RPS6KA5: variants seen among roughly 807,000 people sequenced by gnomAD.
RPS6KA5 encodes the protein ribosomal protein S6 kinase alpha-5.
In RPS6KA5, 27 loss-of-function variants were observed where a neutral mutation model predicts 85.5. The observed-to-expected ratio is 0.32, with a 90% CI of 0.23 to 0.44. The LOEUF (loss-of-function observed/expected upper bound fraction) is 0.44, where lower values mean the gene tolerates loss of function less well. RPS6KA5 is among the 20% of genes least tolerant of loss of function. RPS6KA5 has a pLI of 1.00. For missense variants in RPS6KA5, 811 were observed against 980.9 expected, an observed-to-expected ratio of 0.83 and a Z score of 2.31; for synonymous variants, 334 against 348.2, an observed-to-expected ratio of 0.96 and a Z score of 0.46.
chr14:90,990,876 A>C (rs1325491759), intron 2 of RPS6KA5, among the ~76,000 whole-genome samples: 1 of 152,122 alleles, frequency 6.6e-6, no homozygotes, highest in African/African-American at 2.4e-5. Context: ...GGCCTACTTG[A>C]GGGGAGAGGG....
At chr14:91,032,489 C>T (rs1189028727) in intron 1 of RPS6KA5, among the ~76,000 whole-genome samples, 1 of 152,114 alleles carries the variant, frequency 6.6e-6, no homozygotes, top group East Asian at 1.9e-4. Context: ...ACAAAGCACA[C>T]TATCTGCTAG....
chr14:91,026,781 A>G (rs1383529693), intron 1 of RPS6KA5, among the ~76,000 whole-genome samples: 1 of 152,120 alleles, frequency 6.6e-6, no homozygotes, highest in African/African-American at 2.4e-5. Context: ...GTACAGCCTC[A>G]CCAGCATCTG....
At chr14:90,888,043 C>T (rs1040249753) in intron 14 of RPS6KA5, among the ~76,000 whole-genome samples, 1 of 146,960 alleles carries the variant, frequency 6.8e-6, no homozygotes, top group East Asian at 2.0e-4. Context: ...TGTGTCTTTT[C>T]ATCTATAAGT....
intron 14 of RPS6KA5, among the ~76,000 whole-genome samples, chr14:90,886,124 T>TATACATATACAC (rs1555357355): frequency 1.3e-5 from 2 of 152,068 alleles, no homozygotes; most frequent in Non-Finnish European, 2.9e-5. Context: ...TACTCATATA[T>TATACATATACAC]ATACATATAC....
intron 7 of RPS6KA5, among the ~76,000 whole-genome samples, chr14:90,915,377 C>T (rs2036060932): frequency 6.6e-6 from 1 of 152,100 alleles, no homozygotes; most frequent in African/African-American, 2.4e-5. Context: ...ACAAGGCATC[C>T]CATCTTCCTA....
intron 2 of RPS6KA5, among the ~76,000 whole-genome samples, chr14:90,983,690 G>A (rs978066549): frequency 6.6e-6 from 1 of 151,104 alleles, no homozygotes; most frequent in African/African-American, 2.4e-5. Flanking sequence ...GGGAAGGGGA[G>A]GGGAAAGGGG....
chr14:90,941,369 C>T (rs543270733), intron 5 of RPS6KA5, among the ~76,000 whole-genome samples: 1 of 152,240 alleles, frequency 6.6e-6, no homozygotes, highest in Admixed American at 6.5e-5. Context: ...TTCTTGGCTT[C>T]TCAGAGAAAA....
At chr14:91,002,809 CCTCTTCT>C (rs2040844692) in intron 1 of RPS6KA5, among the ~76,000 whole-genome samples, 4 of 152,026 alleles carry the variant, frequency 2.6e-5, no homozygotes, top group Non-Finnish European at 4.4e-5. Context: ...TGCCCTCTTC[CCTCTTCT>C]CTCAGCCCTG....
At position 90,947,588 on chromosome 14, in the gene RPS6KA5, T is replaced by C. The variant is rs199785963; in HGVS notation, c.395-38A>G. The C allele has an allele frequency of 1.6e-5, 19 of 1,193,186 alleles. No homozygotes were observed. The East Asian group carries it at 4.2e-4, about 27-fold the overall frequency. 73.9% of individuals were successfully genotyped at this position (1,193,186 alleles called of 1,614,324 possible). ...TACATTTTTCTTTCTTAAACATGCA[T>C]TCATAAATGAAAAGCAGTGTTTCCT... is the stretch of plus-strand genomic sequence containing the variant. On this transcript the variant is annotated intron_variant, in intron 3 of 16. Transcript: ENST00000614987.
intron 1 of RPS6KA5, among the ~76,000 whole-genome samples, chr14:91,038,111 T>A (rs11848357): frequency 0.13 from 20,343 of 150,928 alleles, 1,556 homozygotes; most frequent in East Asian, 0.31. Context: ...AAAGTTATTC[T>A]CTCTAACAAG....
At chr14:91,008,043 A>C (rs1300075587) in intron 1 of RPS6KA5, among the ~76,000 whole-genome samples, 1 of 152,208 alleles carries the variant, frequency 6.6e-6, no homozygotes, top group Non-Finnish European at 1.5e-5. Context: ...TTGTATAATA[A>C]TTTTTTAAAG....
At chr14:91,044,517 G>C (rs989850140) in intron 1 of RPS6KA5, among the ~76,000 whole-genome samples, 1 of 152,104 alleles carries the variant, frequency 6.6e-6, no homozygotes, top group African/African-American at 2.4e-5. Context: ...CAGACAGAAG[G>C]GGGTTTAGAA....
At chr14:91,024,462 G>C (rs1186717967) in intron 1 of RPS6KA5, among the ~76,000 whole-genome samples, 1 of 151,980 alleles carries the variant, frequency 6.6e-6, no homozygotes, top group Non-Finnish European at 1.5e-5. Context: ...CAGTAGTTTT[G>C]TAGTAATTTG....
At chr14:91,004,231 G>A (rs1457197232) in intron 1 of RPS6KA5, among the ~76,000 whole-genome samples, 1 of 152,098 alleles carries the variant, frequency 6.6e-6, no homozygotes, top group Non-Finnish European at 1.5e-5. Flanking sequence ...GCCTACAGGC[G>A]CCCGCCACCA....
intron 3 of RPS6KA5, among the ~76,000 whole-genome samples, chr14:90,961,135 T>C (rs890188401): frequency 2.0e-5 from 3 of 152,178 alleles, no homozygotes; most frequent in Non-Finnish European, 4.4e-5. Context: ...AGAATAACAA[T>C]AGCAACTATA....
At chr14:90,994,555 T>G (rs2040434535) in intron 2 of RPS6KA5, among the ~76,000 whole-genome samples, 1 of 149,226 alleles carries the variant, frequency 6.7e-6, no homozygotes, top group East Asian at 2.0e-4. Context: ...TTCTTGGATG[T>G]TTGTGATTTT....
At chr14:90,920,154 G>T in intron 7 of RPS6KA5, 52 bp downstream of exon 7, 3 of 1,120,580 alleles carry the variant, frequency 2.7e-6, no homozygotes, top group South Asian at 2.5e-5. Flanking sequence ...GCAGAAATGT[G>T]ATCAGTTCCT....
rs1387041861 is a variant in RPS6KA5 at position 90,971,207 on chromosome 14, C to G, written c.394+7099G>C. Reference sequence around the variant, plus strand: ...TGGCACATGCCTGTAAACCCAGCTACTCGGGAGGCTGAGGCAGGAGAATCG... The same window carrying G: ...TGGCACATGCCTGTAAACCCAGCTAGTCGGGAGGCTGAGGCAGGAGAATCG... On this transcript the variant is annotated intron_variant, in intron 3 of 16. Coordinates refer to ENST00000614987, the MANE Select transcript of RPS6KA5 (RefSeq NM_004755.4). 2.0e-5 allele frequency among the ~76,000 whole-genome samples: 3 copies of G among 152,086 alleles called. No homozygotes were observed. In the East Asian group the frequency reaches 5.8e-4, roughly 29 times the overall value.
At chr14:90,893,399 TG>T (rs1382074480) in intron 13 of RPS6KA5, among the ~76,000 whole-genome samples, 5 of 152,182 alleles carry the variant, frequency 3.3e-5, no homozygotes, top group African/African-American at 1.2e-4. Flanking sequence ...TCTAAATACA[TG>T]AAAGGAATAA....
Sources: allele counts gnomAD v4.1 joint callset (sites outside exome capture counted in the v4.1 genomes callset), GRCh38; gene constraint gnomAD v4.1.1; transcripts MANE v1.5; gene names NCBI Gene and HGNC (gene_info 2026-07-23, HGNC 2026-07-21).